B4GALT1: variants seen among roughly 807,000 people sequenced by gnomAD.
The protein encoded by B4GALT1 is N-acetyllactosamine synthase.
Under a neutral mutation model 34.9 loss-of-function variants are expected in B4GALT1, and 16 were observed. The ratio of observed to expected loss-of-function variants is 0.46; its 90% CI spans 0.31 to 0.70. B4GALT1 has a LOEUF of 0.70. B4GALT1 is among the 30% of genes least tolerant of loss of function. B4GALT1 has a pLI of 0.05. For missense variants in B4GALT1, 445 were observed against 530.5 expected (o/e 0.84, Z 1.58); for synonymous variants, 221 against 218.1 (o/e 1.01, Z -0.12).
intron 1 of B4GALT1, among the ~76,000 whole-genome samples, chr9:33,152,852 G>A (rs1011723765): frequency 1.3e-5 from 2 of 151,970 alleles, no homozygotes; most frequent in African/African-American, 4.8e-5. Flanking sequence ...CCACTCTGGG[G>A]GATGGAGTGA....
chr9:33,133,193 G>A (rs73484569), intron 2 of B4GALT1, among the ~76,000 whole-genome samples: 3,473 of 152,306 alleles, frequency 0.023, 59 homozygotes, highest in East Asian at 0.062. Context: ...ATGAGCCACT[G>A]CGCCTAGGCC....
chr9:33,167,296 G>T lies in B4GALT1; in HGVS notation c.-127C>A, dbSNP rs1047840997. ...GGCCCGGAGCGGGGGCGGGCGAGCG[G>T]CTGAGAGCTGAGACTCCTCCAGCCA... On this transcript the variant is annotated 5_prime_UTR_variant, in exon 1 of 6. Transcript: ENST00000379731. 4.0e-5 allele frequency: 50 copies of T among 1,236,238 alleles called. No homozygotes were observed. The African/African-American group carries it at 7.4e-4, about 18-fold the overall frequency. 76.6% of individuals were successfully genotyped at this position (1,236,238 alleles called of 1,614,324 possible).
chr9:33,165,758 T>C (rs1447002450), intron 1 of B4GALT1, among the ~76,000 whole-genome samples: 2 of 152,206 alleles, frequency 1.3e-5, no homozygotes, highest in Non-Finnish European at 2.9e-5. Flanking sequence ...AACCTGTGGT[T>C]GCCTTGGGCC....
upstream of B4GALT1, chr9:33,167,497 G>C (rs886484564): frequency 4.6e-6 from 1 of 216,534 alleles, no homozygotes; most frequent in African/African-American, 2.3e-5. Flanking sequence ...GGTGGGCAGC[G>C]GGCGGGGCGC....
chr9:33,144,977 G>T (rs1840405524), intron 1 of B4GALT1, among the ~76,000 whole-genome samples: 1 of 152,194 alleles, frequency 6.6e-6, no homozygotes, highest in South Asian at 2.1e-4. Flanking sequence ...TAAGATTTTA[G>T]TCTTAAATTA....
chr9:33,117,151 C>A (rs981047219), intron 3 of B4GALT1, among the ~76,000 whole-genome samples: 1 of 152,158 alleles, frequency 6.6e-6, no homozygotes, highest in South Asian at 2.1e-4. Context: ...GTCACAGCCC[C>A]CCTTCCACAC....
At chr9:33,148,214 A>C (rs1840457288) in intron 1 of B4GALT1, among the ~76,000 whole-genome samples, 1 of 152,230 alleles carries the variant, frequency 6.6e-6, no homozygotes, top group South Asian at 2.1e-4. Context: ...AATTTACCTA[A>C]GAGGAATCCC....
rs368035967 is a variant in B4GALT1, at chr9:33,135,406, T to G, written c.431A>C (p.Glu144Ala). 8.9e-5 allele frequency: 144 copies of G among 1,613,974 alleles called. No homozygotes were observed. Among genetic ancestry groups the G allele is most frequent in the Non-Finnish European group, 1.2e-4 (141 of 1,180,018 alleles). Reference sequence around the variant, plus strand: ...CTCCAGGTCCACAGGCATGTTAAACTCAATCAGCATGGGGCCCACTAGAGA... The same window carrying G: ...CTCCAGGTCCACAGGCATGTTAAACGCAATCAGCATGGGGCCCACTAGAGA... ...SPLLVGPMLI[E>A]FNMPVDLELV... Residue 144 changes from glutamate (E) to alanine (A), a missense_variant, in exon 2 of 6, where the codon GAG becomes GCG. Around this residue, in one of 3 missense-constraint regions of B4GALT1, gnomAD observed 349 missense variants for 395.5 expected, o/e 0.88. Coordinates refer to ENST00000379731, the MANE Select transcript of B4GALT1 (RefSeq NM_001497.4).
chr9:33,167,356 C>A (rs1030568622), upstream of B4GALT1: 4 of 710,902 alleles, frequency 5.6e-6, no homozygotes, highest in Non-Finnish European at 7.8e-6. Context: ...CCGCCCGAGG[C>A]GCCGGCGGAG....
chr9:33,138,755 CAT>C (rs1283113036), intron 1 of B4GALT1, among the ~76,000 whole-genome samples: 2 of 152,208 alleles, frequency 1.3e-5, no homozygotes, highest in South Asian at 2.1e-4. Context: ...CATGGCTAGC[CAT>C]ATGTCATGGG....
chr9:33,124,758 C>T (rs950626920), intron 2 of B4GALT1, among the ~76,000 whole-genome samples: 1 of 152,208 alleles, frequency 6.6e-6, no homozygotes, highest in Non-Finnish European at 1.5e-5. Flanking sequence ...GGAGACTCTG[C>T]CTTCTGTAGT....
At chr9:33,132,695 T>C (rs182951404) in intron 2 of B4GALT1, among the ~76,000 whole-genome samples, 18 of 152,266 alleles carry the variant, frequency 1.2e-4, no homozygotes, top group Middle Eastern at 6.8e-3. Flanking sequence ...AATTGTATCA[T>C]AGGAATTTAA....
chr9:33,161,848 C>A (rs1355614172), intron 1 of B4GALT1, among the ~76,000 whole-genome samples: 1 of 152,216 alleles, frequency 6.6e-6, no homozygotes, highest in African/African-American at 2.4e-5. Context: ...AAACAAGGTA[C>A]AGGAGGCACT....
At chr9:33,166,025 T>A (rs531511573) in intron 1 of B4GALT1, among the ~76,000 whole-genome samples, 1 of 152,212 alleles carries the variant, frequency 6.6e-6, no homozygotes, top group East Asian at 1.9e-4. Flanking sequence ...CTGGGAGAGA[T>A]CCCTGCTCAC....
chr9:33,166,738 G>C lies in B4GALT1; in HGVS notation c.412+20C>G, dbSNP rs1461282103. 2 of 1,495,158 alleles carry C rather than the reference G, an allele frequency of 1.3e-6. No individual in the cohort carries two copies. The highest frequency in any genetic ancestry group is 4.7e-5 in the East Asian group (2 of 42,502). The allele number at this position is 1,495,158 out of a possible 1,614,324, so 92.6% of individuals were successfully genotyped here. A position where few individuals can be genotyped will look rare whatever the true frequency, so the allele number is the denominator to read the frequency against. On this transcript the variant is annotated intron_variant, in intron 1 of 5. Coordinates refer to ENST00000379731, the MANE Select transcript of B4GALT1 (RefSeq NM_001497.4). The stretch of plus-strand genomic sequence containing the variant: ...CGGGGGGGTCCCAATCCTCCGACTG[G>C]CGCCGACCCGAGTCCTTACCAAGCA...
At position 33,113,532 on chromosome 9, in the gene B4GALT1, T is replaced by C; in HGVS notation, c.1119A>G (p.Ser373=). 1 of 1,614,126 alleles carries C rather than the reference T, an allele frequency of 6.2e-7. No homozygotes were observed. The highest frequency in any genetic ancestry group is 8.5e-7 in the Non-Finnish European group (1 of 1,180,034). Residue 373 remains serine, a synonymous_variant, in exon 6 of 6, where the codon TCA becomes TCG. Coordinates refer to ENST00000379731, the MANE Select transcript of B4GALT1 (RefSeq NM_001497.4). ...GTACATCCAGCACCTGGTAGGTGAG[T>C]GAGTTCAAACCATCAGAGAGCATTG... ...KETMLSDGLN[S]LTYQVLDVQR...
At chr9:33,175,642 T>A in the B4GALT1 span, among the ~76,000 whole-genome samples, 1 of 152,242 alleles carries the variant, frequency 6.6e-6, no homozygotes, top group African/African-American at 2.4e-5. Flanking sequence ...ACTGTACCTT[T>A]TCTATGTTTA....
chr9:33,165,154 G>A (rs1321724955), intron 1 of B4GALT1, among the ~76,000 whole-genome samples: 1 of 151,944 alleles, frequency 6.6e-6, no homozygotes, highest in East Asian at 1.9e-4. Context: ...GTAGAGATGG[G>A]ATGGTGTTTC....
the B4GALT1 span, chr9:33,179,509 C>T: frequency 6.6e-6 from 1 of 152,234 alleles, no homozygotes; most frequent in Admixed American, 6.5e-5. Flanking sequence ...ATGAGGCAGC[C>T]TGCTCCCTTG....
Sources: allele counts gnomAD v4.1 joint callset (sites outside exome capture counted in the v4.1 genomes callset), GRCh38; gene constraint gnomAD v4.1.1; regional missense constraint gnomAD v4.1.1; transcripts MANE v1.5; gene names NCBI Gene and HGNC (gene_info 2026-07-23, HGNC 2026-07-21).